The following FASN variants were observed in gnomAD, a reference collection of about 807,000 sequenced individuals.
The protein encoded by FASN is 3-hydroxyacyl-[acyl-carrier-protein] dehydratase.
In FASN, 50 loss-of-function variants were observed where a neutral mutation model predicts 250.0. That is an observed-to-expected ratio of 0.20 (90% CI 0.16 to 0.25). The LOEUF is 0.25. Among genes scored for constraint, FASN ranks in the 10% least tolerant of loss-of-function variants. The pLI, the probability that FASN is intolerant of heterozygous loss-of-function variation, is 1.00. For missense variants in FASN, 3,031 were observed against 3,498.5 expected, an observed-to-expected ratio of 0.87 and a Z score of 3.37; for synonymous variants, 1,909 against 1,584.0, an observed-to-expected ratio of 1.21 and a Z score of -4.87.
rs1405516905 is a variant in FASN at position 82,088,993 on chromosome 17, C to A, written c.2280G>T (p.Glu760Asp). ...CCTGCAGCAGGGCGTGGGGCGCGAT[C>A]TCCAGCACCACCGCGTGCTCAGGCA... ...WHVPEHAVVLEIAPHALLQAV... is the reference protein window; with the variant it reads ...WHVPEHAVVLDIAPHALLQAV... Residue 760 changes from glutamate (E) to aspartate (D), a missense_variant, in exon 14 of 43, where the codon GAG becomes GAT. Transcript: ENST00000306749. 1 of 1,609,360 alleles carries A rather than the reference C, an allele frequency of 6.2e-7. No individual in the cohort carries two copies. The highest frequency in any genetic ancestry group is 8.5e-7 in the Non-Finnish European group (1 of 1,178,500).
intron 11 of FASN, 138 bp from the exon 12 acceptor site, chr17:82,089,864 G>A (rs2034172711): frequency 1.3e-6 from 1 of 786,848 alleles, no homozygotes; most frequent in East Asian, 2.7e-5. Flanking sequence ...CATGAGAAAG[G>A]TTCGCCCCCT....
In FASN at chr17:82,084,839, G is replaced by A. The variant is rs529962341; in HGVS notation, c.4524C>T (p.Asp1508=). Residue 1508 remains aspartate (D), a synonymous_variant, in exon 26 of 43, where the codon GAC becomes GAT. Coordinates refer to ENST00000306749, the MANE Select transcript of FASN (RefSeq NM_004104.5). The part of the protein sequence containing the change: ...QGDLVMNVYR[D]GAWGAFRHFL... The stretch of plus-strand genomic sequence containing the variant: ...AGTGGCGGAAAGCCCCCCAGGCCCC[G>A]TCGCGGTAGACGTTCATCACCAGGT... 10 of 1,550,430 alleles carry A rather than the reference G, an allele frequency of 6.4e-6. No homozygotes were observed. Among genetic ancestry groups the A allele is most frequent in the African/African-American group, 2.7e-5 (2 of 73,192 alleles).
Position 82,085,132 on chromosome 17 carries a change from AAG to A in FASN, c.4310_4311del (p.Ser1437PhefsTer88), listed in dbSNP as rs1555667112. ...ATGGCCTTCAGCCACACAGGCCGGG[AAG>A]AGTCTTCGTCAGCCAGGATGCCCTA... ...SLKGILADED[S>X]SRPVWLKAIN... On this transcript the variant is annotated frameshift_variant, in exon 25 of 43. Coordinates refer to ENST00000306749, the MANE Select transcript of FASN (RefSeq NM_004104.5). LOFTEE classifies it high-confidence loss of function. 6.2e-7 allele frequency: 1 copy of A among 1,612,602 alleles called. No homozygotes were observed. The highest frequency in any genetic ancestry group is 8.5e-7 in the Non-Finnish European group (1 of 1,179,932).
chr17:82,095,322 C>G lies in FASN; in HGVS notation c.278G>C (p.Gly93Ala). 1 of 1,612,914 alleles carries G rather than the reference C, an allele frequency of 6.2e-7. No homozygotes were observed. The highest frequency in any genetic ancestry group is 8.5e-7 in the Non-Finnish European group (1 of 1,180,004). Residue 93 changes from glycine (G) to alanine (A), a missense_variant and splice_region_variant, in exon 3 of 43, where the codon GGA (glycine) becomes GCA (alanine). Transcript: ENST00000306749. ...LEVTYEAIVD[G>A]GINPDSLRGT... is the part of the protein sequence containing the mutation. ...GCAGTCGCGAATGCCCGACCCACCT[C>G]CGTCCACGATGGCTTCATAGGTGAC...
intron 11 of FASN, among the ~76,000 whole-genome samples, chr17:82,089,954 T>C (rs112975697): frequency 5.9e-5 from 9 of 152,212 alleles, no homozygotes; most frequent in Admixed American, 4.6e-4. Flanking sequence ...AGTCCCCAGA[T>C]GGTGGCCCCC....
chr17:82,082,272 C>T, intron 35 of FASN, 51 bp downstream of exon 35: 1 of 1,608,298 alleles, frequency 6.2e-7, no homozygotes, highest in Non-Finnish European at 8.5e-7. Flanking sequence ...GCTCCCACGG[C>T]CCTGAGCCCA....
At position 82,091,694 on chromosome 17, in the gene FASN, T is replaced by G. The variant is rs1598582508; in HGVS notation, c.1030-10A>C. 3.2e-6 allele frequency: 5 copies of G among 1,562,812 alleles called. No homozygotes were observed. The highest frequency in any genetic ancestry group is 4.3e-6 in the Non-Finnish European group (5 of 1,153,128). ...CCAGGGACAGCAGCACCTGCGGGGGTACGTGGTGGATGGGCAGCCGCCCCA... is the reference window on the plus strand; with the variant it reads ...CCAGGGACAGCAGCACCTGCGGGGGGACGTGGTGGATGGGCAGCCGCCCCA... On this transcript the variant is annotated splice_polypyrimidine_tract_variant and intron_variant, in intron 8 of 42. Transcript: ENST00000306749.
chr17:82,079,060 T>C lies in FASN; in HGVS notation c.*83A>G. 3 of 1,421,448 alleles carry C rather than the reference T, an allele frequency of 2.1e-6. No individual in the cohort carries two copies. The highest frequency in any genetic ancestry group is 2.8e-6 in the Non-Finnish European group (3 of 1,065,412). The allele number at this position is 1,421,448 out of a possible 1,614,324, so 88.1% of individuals were successfully genotyped here. On this transcript the variant is annotated 3_prime_UTR_variant, in exon 43 of 43. Transcript: ENST00000306749. ...GGACAGGGTCCCACCGGCAGGACCC[T>C]TCAATCCCGTTGCATGGCGGGGGTG...
chr17:82,079,183 C>CTG lies in FASN; in HGVS notation c.7494_7495dup (p.Ser2499ThrfsTer9). The CTG allele has an allele frequency of 6.2e-7, 1 of 1,612,840 alleles. No homozygotes were observed. Among genetic ancestry groups the CTG allele is most frequent in the Non-Finnish European group, 8.5e-7 (1 of 1,179,938 alleles). On this transcript the variant is annotated frameshift_variant, in exon 43 of 43. Transcript: ENST00000306749. LOFTEE classifies it high-confidence loss of function. Reference sequence around the variant, plus strand: ...GCTCACGCGTGGCTCAGCCAGGGAGCTGTGGATGATGCTGATGATGGACTC... The same window carrying CTG: ...GCTCACGCGTGGCTCAGCCAGGGAGCTGTGTGGATGATGCTGATGATGGACTC...
chr17:82,096,997 A>G, intron 1 of FASN: 1 of 217,370 alleles, frequency 4.6e-6, no homozygotes, highest in East Asian at 1.2e-4. Flanking sequence ...GGTACTCAGC[A>G]CCCATGCTCA....
chr17:82,082,637 C>T lies in FASN; in HGVS notation c.5809G>A (p.Val1937Ile), dbSNP rs17848945. 1.0e-3 allele frequency: 1,649 copies of T among 1,610,686 alleles called. 37 individuals are homozygous for T. The East Asian group carries it at 0.029, about 29-fold the overall frequency. Residue 1937 changes from valine (V) to isoleucine (I), a missense_variant, in exon 34 of 43, where the codon GTA becomes ATA. Transcript: ENST00000306749. ...TTGCTGGTGGACACCTGCACCTGTA[C>T]GCCCTGGCGCCTCCACCGGCGGACC... ...KQVRRWRRQG[V>I]QVQVSTSNIS... is the part of the protein sequence containing the mutation.
At chr17:82,093,891 GTCCA>G in intron 3 of FASN, 120 bp from the exon 4 acceptor site, 1 of 1,055,864 alleles carries the variant, frequency 9.5e-7, no homozygotes. Flanking sequence ...GTGAGGGGGG[GTCCA>G]TCCCAGTGGG....
Position 82,079,050 on chromosome 17 carries a change from G to A in FASN, c.*93C>T, listed in dbSNP as rs965111777. ...GCACTGGGCCGGACAGGGTCCCACC[G>A]GCAGGACCCTTCAATCCCGTTGCAT... On this transcript the variant is annotated 3_prime_UTR_variant, in exon 43 of 43. Transcript: ENST00000306749. The A allele has an allele frequency of 3.9e-5, 54 of 1,394,932 alleles. No homozygotes were observed. The highest frequency in any genetic ancestry group is 4.4e-5 in the African/African-American group (3 of 68,312). The allele number at this position is 1,394,932 out of a possible 1,614,324, so 86.4% of individuals were successfully genotyped here. A position where few individuals can be genotyped will look rare whatever the true frequency, so the allele number is the denominator to read the frequency against.
At chr17:82,087,624 G>C in intron 19 of FASN, 61 bp downstream of exon 19, 2 of 1,603,564 alleles carry the variant, frequency 1.2e-6, no homozygotes, top group Admixed American at 1.7e-5. Flanking sequence ...TGCCCTCTGT[G>C]GTCCCCACAA....
At chr17:82,086,655 C>G in intron 21 of FASN, 97 bp from the exon 22 acceptor site, 2 of 882,328 alleles carry the variant, frequency 2.3e-6, no homozygotes, top group Non-Finnish European at 1.8e-6. Context: ...GGGGCCACCA[C>G]CCCGCTCTGC....
In FASN at chr17:82,082,654, C is replaced by T. The variant is rs148840593; in HGVS notation, c.5792G>A (p.Arg1931Gln). The change falls in exon 34 of 43, where the codon CGG (arginine) becomes CAG (glutamine). Residue 1931 changes from arginine to glutamine, a missense_variant. Arg to Gln is a conservative substitution (Grantham distance 43). Transcript: ENST00000306749. ...RTGYQAKQVR[R>Q]WRRQGVQVQV... The stretch of plus-strand genomic sequence containing the variant: ...CACCTGTACGCCCTGGCGCCTCCAC[C>T]GGCGGACCTGCTTGGCCTGGTAGCC... The T allele has an allele frequency of 1.8e-4, 282 of 1,610,160 alleles. 1 individual carries two copies. In the African/African-American group the frequency reaches 2.2e-3, roughly 13 times the overall value.
chr17:82,083,919 G>T (rs1230477317), intron 29 of FASN, 28 bp from the exon 30 acceptor site: 1 of 1,552,916 alleles, frequency 6.4e-7, no homozygotes, highest in Non-Finnish European at 8.7e-7. Flanking sequence ...CGCGGCTGGT[G>T]AGCCAGGGCG....
rs2034287787 is a variant in FASN, at chr17:82,095,452, G to A, written c.148C>T (p.Arg50Trp). ...WKAGLYGLPR[R>W]SGKLKDLSRF... Reference sequence around the variant, plus strand: ...GACAGGTCCTTCAGCTTGCCGGACCGCCGGGGCAGGCCGTAGAGCCCTGTG... The same window carrying A: ...GACAGGTCCTTCAGCTTGCCGGACCACCGGGGCAGGCCGTAGAGCCCTGTG... Residue 50 changes from arginine (R) to tryptophan (W), a missense_variant, in exon 3 of 43, where the codon CGG (arginine) becomes TGG (tryptophan). By Grantham distance (101) the Arg-to-Trp change is moderately radical (BLOSUM62 -3). Coordinates refer to ENST00000306749, the MANE Select transcript of FASN (RefSeq NM_004104.5). 4 of 1,612,380 alleles carry A rather than the reference G, an allele frequency of 2.5e-6. No individual in the cohort carries two copies. Among genetic ancestry groups the A allele is most frequent in the African/African-American group, 1.3e-5 (1 of 74,916 alleles).
intron 6 of FASN, 21 bp downstream of exon 6, chr17:82,092,876 C>G (rs781558142): frequency 2.5e-6 from 4 of 1,593,074 alleles, no homozygotes; most frequent in Non-Finnish European, 3.4e-6. Context: ...CCCAGCACCC[C>G]GGAACCCCGG....
Sources: gnomAD v4.1 joint callset for allele counts (sites outside exome capture counted in the v4.1 genomes callset) on GRCh38, gnomAD v4.1.1 for gene constraint, MANE v1.5 for transcripts, NCBI Gene and HGNC (gene_info 2026-07-23, HGNC 2026-07-21) for gene names.